LGR4: variants seen among roughly 807,000 people sequenced by gnomAD.
The protein encoded by LGR4 is leucine-rich repeat-containing G protein-coupled receptor 4.
Under a neutral mutation model 84.8 loss-of-function variants are expected in LGR4, and 44 were observed. The observed-to-expected ratio is 0.52, with a 90% CI of 0.41 to 0.67. The LOEUF (loss-of-function observed/expected upper bound fraction) is 0.67. LGR4 is among the 30% of genes least tolerant of loss of function. The probability of loss-of-function intolerance (pLI) is 0.00; values close to 1 mark genes in which losing one functional copy is unlikely to be tolerated. For missense variants in LGR4, 1,032 were observed against 1,131.4 expected, an observed-to-expected ratio of 0.91 and a Z score of 1.26; for synonymous variants, 429 against 434.3, an observed-to-expected ratio of 0.99 and a Z score of 0.15.
chr11:27,421,199 C>T lies in LGR4; in HGVS notation c.186-8339G>A, dbSNP rs530576575. On this transcript the variant is annotated intron_variant, in intron 1 of 17. Transcript: ENST00000379214. ...TTCCTTCACTGTAAAATATTTTGTA[C>T]CAACTAACCTCTAAGGCCCTTTCTA... 2.0e-5 allele frequency among the ~76,000 whole-genome samples: 3 copies of T among 152,100 alleles called. No homozygotes were observed. In the South Asian group the frequency reaches 6.2e-4, roughly 32 times the overall value.
intron 2 of LGR4, among the ~76,000 whole-genome samples, chr11:27,408,271 G>T (rs533805909): frequency 6.6e-6 from 1 of 152,084 alleles, no homozygotes; most frequent in South Asian, 2.1e-4. Context: ...CTGTCCTACA[G>T]ATGAAACAAA....
intron 1 of LGR4, among the ~76,000 whole-genome samples, chr11:27,413,167 G>T (rs954409129): frequency 6.6e-6 from 1 of 152,052 alleles, no homozygotes; most frequent in African/African-American, 2.4e-5. Context: ...CAGTGCTCTG[G>T]TATTCACAGT....
At chr11:27,413,539 C>CAG (rs1177114987) in intron 1 of LGR4, among the ~76,000 whole-genome samples, 1 of 152,158 alleles carries the variant, frequency 6.6e-6, no homozygotes, top group African/African-American at 2.4e-5. Context: ...TCCTCCCTGG[C>CAG]AGCTGCCTTT....
rs201817006 is a variant in LGR4, at chr11:27,446,170, AT to A, written c.185+25947del. ...GTAAATTTGTTTAAGTTCTTTGCAG[AT>A]TCTGGTTATTAGCCCTTTGTCAGAT... On this transcript the variant is annotated intron_variant, in intron 1 of 17. Transcript: ENST00000379214. Among the ~76,000 whole-genome samples, 1,510 of 152,262 alleles carry A rather than the reference AT, an allele frequency of 9.9e-3. 17 individuals carry two copies. The highest frequency in any genetic ancestry group is 0.034 in the African/African-American group (1,413 of 41,544).
intron 1 of LGR4, among the ~76,000 whole-genome samples, chr11:27,465,967 A>G (rs190400648): frequency 2.6e-5 from 4 of 152,342 alleles, no homozygotes; most frequent in Admixed American, 1.3e-4. Context: ...GGGAAAAAAG[A>G]AAAAAAGTCA....
chr11:27,380,086 C>T (rs963097120), intron 10 of LGR4, among the ~76,000 whole-genome samples, 185 bp downstream of exon 10: 6 of 152,182 alleles, frequency 3.9e-5, no homozygotes, highest in African/African-American at 2.4e-5. Flanking sequence ...TCCACATAAT[C>T]GGCTCTACTC....
At chr11:27,390,218 G>A (rs895383235) in intron 4 of LGR4, among the ~76,000 whole-genome samples, 4 of 152,014 alleles carry the variant, frequency 2.6e-5, no homozygotes, top group South Asian at 4.2e-4. Context: ...TCATTTTCAC[G>A]CTGTATTTTC....
chr11:27,368,473 A>C lies in LGR4; in HGVS notation c.2250T>G (p.Ala750=), dbSNP rs567953132. The change falls in exon 18 of 18, where the codon GCT becomes GCG. Residue 750 remains alanine, a synonymous_variant. Transcript: ENST00000379214. Reference sequence around the variant, plus strand: ...AGATGCAATTGGTGAAGATTAGCCAAGCGACATGCTTAATCATGCTAGATT... The same window carrying C: ...AGATGCAATTGGTGAAGATTAGCCACGCGACATGCTTAATCATGCTAGATT... The part of the protein sequence containing the change: ...NSQSSMIKHV[A]WLIFTNCIFF... 1 of 1,614,238 alleles carries C rather than the reference A, an allele frequency of 6.2e-7. No homozygotes were observed. Among genetic ancestry groups the C allele is most frequent in the African/African-American group, 1.3e-5 (1 of 75,064 alleles).
intron 1 of LGR4, among the ~76,000 whole-genome samples, chr11:27,441,850 T>G (rs955422441): frequency 6.6e-6 from 1 of 152,142 alleles, no homozygotes; most frequent in Non-Finnish European, 1.5e-5. Context: ...GGGGAGAGGA[T>G]GGCAGAAATC....
chr11:27,381,502 T>G (rs371598611), intron 7 of LGR4, among the ~76,000 whole-genome samples: 22 of 152,226 alleles, frequency 1.4e-4, no homozygotes, highest in African/African-American at 5.1e-4. Flanking sequence ...GGCAACATGA[T>G]GAAACCCTAT....
At chr11:27,392,649 G>A (rs936333394) in intron 2 of LGR4, 131 bp from the exon 3 acceptor site, 57 of 733,342 alleles carry the variant, frequency 7.8e-5, no homozygotes, top group East Asian at 1.1e-4. Context: ...GACATTAAAC[G>A]TGGACTTAAA....
chr11:27,405,556 C>T (rs1285752162), intron 2 of LGR4, among the ~76,000 whole-genome samples: 1 of 152,160 alleles, frequency 6.6e-6, no homozygotes, highest in Admixed American at 6.6e-5. Context: ...ACCCATATCC[C>T]ACCTGAACTC....
chr11:27,386,372 A>G (rs1182347121), intron 4 of LGR4, among the ~76,000 whole-genome samples: 1 of 152,238 alleles, frequency 6.6e-6, no homozygotes, highest in African/African-American at 2.4e-5. Flanking sequence ...GAGGGACACT[A>G]CGTGCCAGGC....
At chr11:27,413,889 G>C (rs774783563) in intron 1 of LGR4, among the ~76,000 whole-genome samples, 3 of 152,112 alleles carry the variant, frequency 2.0e-5, no homozygotes, top group Non-Finnish European at 2.9e-5. Context: ...GACACCTTCA[G>C]TATCATGCTA....
chr11:27,369,334 C>A (rs1862838168), intron 17 of LGR4, among the ~76,000 whole-genome samples, 191 bp from the exon 18 acceptor site: 1 of 151,944 alleles, frequency 6.6e-6, no homozygotes, highest in African/African-American at 2.4e-5. Flanking sequence ...AATAAACTGA[C>A]TTTAATTTAT....
chr11:27,375,520 A>G (rs1979400), intron 13 of LGR4, among the ~76,000 whole-genome samples: 48,295 of 151,878 alleles, frequency 0.32, 7,841 homozygotes, highest in South Asian at 0.43. Flanking sequence ...GTCATGATAG[A>G]TACTCCAGTG....
intron 2 of LGR4, among the ~76,000 whole-genome samples, chr11:27,404,018 G>C (rs1863554284): frequency 6.6e-6 from 1 of 152,090 alleles, no homozygotes; most frequent in African/African-American, 2.4e-5. Flanking sequence ...AATAAGCATG[G>C]CTTGACTAAG....
intron 17 of LGR4, among the ~76,000 whole-genome samples, chr11:27,370,179 C>T (rs1053717430): frequency 5.9e-5 from 9 of 152,188 alleles, no homozygotes; most frequent in African/African-American, 1.9e-4. Flanking sequence ...ATGACATATC[C>T]AATAAAATGT....
chr11:27,368,557 G>A lies in LGR4; in HGVS notation c.2166C>T (p.Ala722=), dbSNP rs145253268. Residue 722 remains alanine (A), a synonymous_variant, in exon 18 of 18, where the codon GCC becomes GCT. Transcript: ENST00000379214. The part of the protein sequence containing the change: ...LLNSLAFLLM[A]VIYTKLYCNL... ...TGCAGTATAGTTTAGTGTAGATAAC[G>A]GCCATTAATAAAAATGCTAGTGAGT... 439 of 1,611,080 alleles carry A rather than the reference G, an allele frequency of 2.7e-4. 3 individuals carry two copies. The highest frequency in any genetic ancestry group is 8.2e-5 in the Non-Finnish European group (97 of 1,178,378).
Sources: allele counts gnomAD v4.1 joint callset (sites outside exome capture counted in the v4.1 genomes callset), GRCh38; gene constraint gnomAD v4.1.1; transcripts MANE v1.5; gene names NCBI Gene and HGNC (gene_info 2026-07-23, HGNC 2026-07-21).